PLB1: variants seen among roughly 807,000 people sequenced by gnomAD.
The protein encoded by PLB1 is phospholipase B1, membrane-associated.
In PLB1, 242 loss-of-function variants were observed where a neutral mutation model predicts 227.4. The observed-to-expected ratio is 1.06, with a 90% CI of 0.96 to 1.18. The LOEUF (loss-of-function observed/expected upper bound fraction) is 1.18. Ranked by LOEUF, PLB1 falls within the 50% of genes most tolerant of loss-of-function variation. PLB1 has a pLI of 0.00. For synonymous variants in PLB1, 757 were observed against 682.2 expected (o/e 1.11, Z -1.71); for missense variants, 1,858 against 1,816.3 (o/e 1.02, Z -0.42).
At chr2:28,506,984 C>G (rs1265924829) in intron 1 of PLB1, among the ~76,000 whole-genome samples, 1 of 152,208 alleles carries the variant, frequency 6.6e-6, no homozygotes, top group Admixed American at 6.5e-5. Flanking sequence ...CTGACGGTCT[C>G]CCTTCCTGAG....
intron 14 of PLB1, 176 bp from the exon 15 acceptor site, chr2:28,548,684 T>A (rs1183119367): frequency 7.5e-6 from 5 of 664,400 alleles, no homozygotes; most frequent in Non-Finnish European, 1.4e-5. Context: ...CAACACAGAC[T>A]GCTGCCCCAG....
intron 26 of PLB1, among the ~76,000 whole-genome samples, chr2:28,587,728 T>C (rs1681145162): frequency 6.6e-6 from 1 of 152,220 alleles, no homozygotes; most frequent in African/African-American, 2.4e-5. Flanking sequence ...AATGGATGTT[T>C]TGCCATCCCT....
intron 33 of PLB1, 41 bp downstream of exon 33, chr2:28,593,795 A>C: frequency 2.0e-6 from 3 of 1,530,476 alleles, no homozygotes; most frequent in Non-Finnish European, 2.7e-6. Flanking sequence ...TCCCCCCACA[A>C]CAGAGATTAG....
intron 42 of PLB1, 74 bp downstream of exon 42, chr2:28,606,022 G>A: frequency 8.3e-7 from 1 of 1,206,460 alleles, no homozygotes; most frequent in Non-Finnish European, 1.2e-6. Context: ...ATAGAATGGA[G>A]TCTTGCAAGT....
At position 28,550,801 on chromosome 2, in the gene PLB1, A is replaced by C. The variant is rs535401495; in HGVS notation, c.1083+717A>C. On this transcript the variant is annotated intron_variant, in intron 16 of 57. Coordinates refer to ENST00000327757, the MANE Select transcript of PLB1 (RefSeq NM_153021.5). ...ATGGTCCACCCAACTCAGCCTCCCA[A>C]AGTGCTGAGGTGACAGATGTGAGCC... 3.9e-5 allele frequency among the ~76,000 whole-genome samples: 6 copies of C among 152,070 alleles called. No individual in the cohort carries two copies. The East Asian group carries it at 1.2e-3, about 29-fold the overall frequency.
chr2:28,540,945 C>A (rs11691333), intron 12 of PLB1, among the ~76,000 whole-genome samples: 1 of 151,882 alleles, frequency 6.6e-6, no homozygotes, highest in African/African-American at 2.4e-5. Context: ...CTGAGGTGGG[C>A]AGATCACTTG....
In PLB1 at chr2:28,601,265, A is replaced by C; in HGVS notation, c.2540A>C (p.His847Pro). The change falls in exon 37 of 58, where the codon CAT (histidine) becomes CCT (proline). Residue 847 changes from histidine (H) to proline (P), a missense_variant. Physicochemically the swap from His to Pro is moderately conservative, Grantham distance 77. Coordinates refer to ENST00000327757, the MANE Select transcript of PLB1 (RefSeq NM_153021.5). ...KMKDDHRVNF[H>P]EDWKVITVLI... ...CCCTCCATATAGAGAGTAAATTTCC[A>C]TGAAGACTGGAAGGTCATCACAGTG... is the stretch of plus-strand genomic sequence containing the variant. 1 of 1,613,696 alleles carries C rather than the reference A, an allele frequency of 6.2e-7. No individual in the cohort carries two copies. The highest frequency in any genetic ancestry group is 2.2e-5 in the East Asian group (1 of 44,884).
intron 20 of PLB1, among the ~76,000 whole-genome samples, chr2:28,569,493 CA>C (rs1487616617): frequency 4.6e-5 from 7 of 151,830 alleles, no homozygotes; most frequent in Non-Finnish European, 1.0e-4. Context: ...TTTAGACTGA[CA>C]AAAGGGAGGG....
rs1690149008 is a variant in PLB1 at position 28,643,065 on chromosome 2, CG to C, written c.*9del. On this transcript the variant is annotated 3_prime_UTR_variant, in exon 58 of 58. Transcript: ENST00000327757. ...CCTGCGCACTGTGGCCCTCTAGGCC[CG>C]GGGGTGGGTCCTCACCCTAAACTCC... is the stretch of plus-strand genomic sequence containing the variant. The C allele has an allele frequency of 6.3e-7, 1 of 1,590,532 alleles. No individual in the cohort carries two copies. Among genetic ancestry groups the C allele is most frequent in the South Asian group, 1.1e-5 (1 of 87,816 alleles).
At chr2:28,601,208 T>G in intron 36 of PLB1, 44 bp from the exon 37 acceptor site, 1 of 1,516,228 alleles carries the variant, frequency 6.6e-7, no homozygotes, top group Non-Finnish European at 9.2e-7. Flanking sequence ...GATATTTTCA[T>G]TTCCTTGTTG....
chr2:28,638,610 G>A (rs201170076), intron 56 of PLB1, among the ~76,000 whole-genome samples: 33 of 152,088 alleles, frequency 2.2e-4, no homozygotes, highest in East Asian at 1.2e-3. Context: ...GTGGGCTGGC[G>A]GATGGATGAT....
At chr2:28,559,428 G>A (rs1159214170) in intron 17 of PLB1, among the ~76,000 whole-genome samples, 5 of 152,212 alleles carry the variant, frequency 3.3e-5, no homozygotes, top group Non-Finnish European at 1.5e-5. Context: ...AACTATGTAT[G>A]TGTGAGTTTG....
intron 1 of PLB1, among the ~76,000 whole-genome samples, chr2:28,500,807 G>A (rs1403274417): frequency 1.3e-5 from 2 of 152,184 alleles, no homozygotes; most frequent in Non-Finnish European, 2.9e-5. Context: ...TCTGTGTGTT[G>A]TAATCCAGGC....
At position 28,510,362 on chromosome 2, in the gene PLB1, GA is replaced by G. The variant is rs148521425; in HGVS notation, c.56-6445del. ...GTTCACGATCACCACTCTCTGCTTG[GA>G]CCAGTGCCCTGGCAGCCCATTCTTG... is the stretch of plus-strand genomic sequence containing the variant. On this transcript the variant is annotated intron_variant, in intron 1 of 57. Transcript: ENST00000327757. Among the ~76,000 whole-genome samples, 821 of 152,108 alleles carry G rather than the reference GA, an allele frequency of 5.4e-3. 3 individuals are homozygous for G. Among genetic ancestry groups the G allele is most frequent in the African/African-American group, 0.019 (786 of 41,498 alleles).
At chr2:28,628,286 C>T (rs1688089388) in intron 51 of PLB1, among the ~76,000 whole-genome samples, 1 of 152,154 alleles carries the variant, frequency 6.6e-6, no homozygotes, top group Non-Finnish European at 1.5e-5. Context: ...CAAAAAGTGG[C>T]AGGACCCAGC....
At chr2:28,538,893 G>A (rs1348029596) in intron 10 of PLB1, among the ~76,000 whole-genome samples, 5 of 152,134 alleles carry the variant, frequency 3.3e-5, no homozygotes, top group African/African-American at 4.8e-5. Context: ...GGGACAGAGA[G>A]TCCTGTTTCT....
chr2:28,540,282 T>A, intron 11 of PLB1, 84 bp from the exon 12 acceptor site: 3 of 1,136,936 alleles, frequency 2.6e-6, no homozygotes, highest in Non-Finnish European at 4.0e-6. Flanking sequence ...ATGCCCCTTC[T>A]TCCATAAGAG....
intron 28 of PLB1, 40 bp downstream of exon 28, chr2:28,589,810 A>G: frequency 1.3e-6 from 2 of 1,578,998 alleles, no homozygotes; most frequent in South Asian, 2.2e-5. Context: ...TCCCTCTGGT[A>G]AGAAAAAGAC....
At chr2:28,548,011 C>T (rs1405863795) in intron 14 of PLB1, among the ~76,000 whole-genome samples, 1 of 152,036 alleles carries the variant, frequency 6.6e-6, no homozygotes, top group Non-Finnish European at 1.5e-5. Context: ...TCGTGGTTGT[C>T]ATTTAAGTAG....
Sources: allele counts gnomAD v4.1 joint callset (sites outside exome capture counted in the v4.1 genomes callset), GRCh38; gene constraint gnomAD v4.1.1; transcripts MANE v1.5; gene names NCBI Gene and HGNC (gene_info 2026-07-23, HGNC 2026-07-21).